The following TVP23C variants were observed in gnomAD, a reference collection of about 807,000 sequenced individuals.
TVP23C encodes trans-golgi network vesicle protein 23 homolog C.
Under a neutral mutation model 28.7 loss-of-function variants are expected in TVP23C, and 19 were observed. The observed-to-expected ratio is 0.66, with a 90% CI of 0.46 to 0.97. The LOEUF (loss-of-function observed/expected upper bound fraction) is 0.97. TVP23C is among the 50% of genes least tolerant of loss of function. The pLI, the probability that TVP23C is intolerant of heterozygous loss-of-function variation, is 0.00. For missense variants in TVP23C, 186 were observed against 241.3 expected (o/e 0.77, Z 1.52); for synonymous variants, 68 against 81.7 (o/e 0.83, Z 0.90).
intron 5 of TVP23C, among the ~76,000 whole-genome samples, chr17:15,528,613 TTTTG>T (rs891047133): frequency 3.8e-4 from 58 of 151,734 alleles, no homozygotes; most frequent in African/African-American, 1.3e-3. Flanking sequence ...TGTTGGGTTT[TTTTG>T]TTTGTTTGAG....
intron 5 of TVP23C, among the ~76,000 whole-genome samples, chr17:15,522,297 C>T (rs8074456): frequency 0.26 from 39,510 of 152,012 alleles, 5,862 homozygotes; most frequent in African/African-American, 0.41. Context: ...CTATAAAAGA[C>T]TGATAATTTT....
chr17:15,515,105 C>G (rs1982167816), intron 5 of TVP23C, among the ~76,000 whole-genome samples: 1 of 152,020 alleles, frequency 6.6e-6, no homozygotes, highest in Admixed American at 6.6e-5. Flanking sequence ...GTGCCCATAC[C>G]CACAGTGGGC....
intron 5 of TVP23C, among the ~76,000 whole-genome samples, chr17:15,525,207 GTTTA>G: frequency 6.6e-6 from 1 of 152,350 alleles, no homozygotes; most frequent in African/African-American, 2.4e-5. Flanking sequence ...CCCAATAAAT[GTTTA>G]TTGAGTGCCA....
At chr17:15,521,347 C>CA (rs1046255454) in intron 5 of TVP23C, among the ~76,000 whole-genome samples, 1 of 151,856 alleles carries the variant, frequency 6.6e-6, no homozygotes, top group Non-Finnish European at 1.5e-5. Context: ...ACTAAATATA[C>CA]AAAAAAATTG....
chr17:15,535,756 G>A (rs556673647), downstream of TVP23C, among the ~76,000 whole-genome samples: 1 of 152,274 alleles, frequency 6.6e-6, no homozygotes, highest in African/African-American at 2.4e-5. Flanking sequence ...GTACAATATG[G>A]AAAGTTAGTT....
intron 5 of TVP23C, among the ~76,000 whole-genome samples, chr17:15,511,820 T>C (rs527497736): frequency 2.0e-5 from 3 of 152,360 alleles, no homozygotes; most frequent in Middle Eastern, 3.4e-3. Context: ...TATGATCTCA[T>C]GATAGTTTCA....
chr17:15,559,804 G>A (rs553330746), intron 1 of TVP23C, among the ~76,000 whole-genome samples: 2 of 148,588 alleles, frequency 1.3e-5, no homozygotes, highest in Non-Finnish European at 3.0e-5. Flanking sequence ...AATCAAGGAA[G>A]ATTCCAAAGT....
At chr17:15,554,921 G>C (rs1984062623) in intron 2 of TVP23C, among the ~76,000 whole-genome samples, 1 of 152,226 alleles carries the variant, frequency 6.6e-6, no homozygotes, top group Non-Finnish European at 1.5e-5. Context: ...TTTATTTAGA[G>C]AGAATTAAAT....
chr17:15,543,697 A>T (rs2907505), intron 5 of TVP23C, among the ~76,000 whole-genome samples: 2 of 146,364 alleles, frequency 1.4e-5, no homozygotes, highest in Non-Finnish European at 3.1e-5. Context: ...TTTACTGTTT[A>T]TCTACCTTCC....
intron 3 of TVP23C, among the ~76,000 whole-genome samples, chr17:15,548,050 A>G (rs918600250): frequency 1.2e-4 from 19 of 152,238 alleles, no homozygotes; most frequent in Middle Eastern, 3.4e-3. Context: ...ACAACAAACT[A>G]TGAATGTAGG....
At chr17:15,521,622 G>C (rs1272482748) in intron 5 of TVP23C, among the ~76,000 whole-genome samples, 2 of 152,236 alleles carry the variant, frequency 1.3e-5, no homozygotes, top group Non-Finnish European at 1.5e-5. Context: ...CACGTATATA[G>C]AGAAACTTAG....
chr17:15,536,536 C>T (rs1289087587), downstream of TVP23C, among the ~76,000 whole-genome samples: 1 of 152,134 alleles, frequency 6.6e-6, no homozygotes, highest in African/African-American at 2.4e-5. Flanking sequence ...AGGAGAAAAA[C>T]GAATATTAGG....
In TVP23C at chr17:15,538,141, C is replaced by T. The variant is rs1322507040; in HGVS notation, c.*2271G>A. On this transcript the variant is annotated 3_prime_UTR_variant, in exon 6 of 6. Coordinates refer to ENST00000518321, the MANE Select transcript of TVP23C (RefSeq NM_001135036.2). ...GCTTTCTCTATTCAGGAAGTCTGAT[C>T]ATCTCCAGTGTTCCGCAAAAGACAA... is the stretch of plus-strand genomic sequence containing the variant. The T allele has an allele frequency of 1.9e-6, 3 of 1,613,872 alleles. No homozygotes were observed. The highest frequency in any genetic ancestry group is 2.2e-5 in the South Asian group (2 of 91,054).
chr17:15,552,850 AT>A (rs1254907888), intron 3 of TVP23C, among the ~76,000 whole-genome samples: 1 of 151,022 alleles, frequency 6.6e-6, no homozygotes, highest in Non-Finnish European at 1.5e-5. Context: ...ACACAGTTAA[AT>A]TTTACAGTGA....
intron 1 of TVP23C, among the ~76,000 whole-genome samples, chr17:15,561,171 A>G (rs895555641): frequency 2.0e-5 from 3 of 151,534 alleles, no homozygotes; most frequent in Non-Finnish European, 2.9e-5. Flanking sequence ...CTGAGAGAGG[A>G]TAAGAGAAGA....
chr17:15,546,332 G>C (rs1983646282), intron 4 of TVP23C, among the ~76,000 whole-genome samples: 1 of 152,110 alleles, frequency 6.6e-6, no homozygotes, highest in Admixed American at 6.5e-5. Context: ...ACGGAATCAA[G>C]GGATTCTGGA....
At chr17:15,502,809 C>CCTCTCTCTCCT (rs1555543015) in exon 6 of TVP23C, 79 of 1,415,594 alleles carry the variant, frequency 5.6e-5, no homozygotes, top group Non-Finnish European at 6.0e-5. Context: ...TCCTCTCTCT[C>CCTCTCTCTCCT]CTCTCTCTCT....
chr17:15,528,453 C>A (rs1458574722), intron 5 of TVP23C, among the ~76,000 whole-genome samples: 4 of 152,014 alleles, frequency 2.6e-5, no homozygotes, highest in Admixed American at 1.3e-4. Flanking sequence ...CCATTTTGAC[C>A]AAAGATTATA....
rs1983294518 is a variant in TVP23C, at chr17:15,539,198, AAT to A, written c.*1212_*1213del. 1 of 967,432 alleles carries A rather than the reference AAT, an allele frequency of 1.0e-6. No homozygotes were observed. The highest frequency in any genetic ancestry group is 1.2e-6 in the Non-Finnish European group (1 of 813,622). The allele number at this position is 967,432 out of a possible 1,614,324, so 59.9% of individuals were successfully genotyped here. On this transcript the variant is annotated 3_prime_UTR_variant, in exon 6 of 6. Transcript: ENST00000518321. ...AAGGAGTCTGGAGGTGGAACCCAGC[AAT>A]CTTGTGCCCTCTAGGTGATTCTCAT...
Sources: gnomAD v4.1 joint callset for allele counts (sites outside exome capture counted in the v4.1 genomes callset) on GRCh38, gnomAD v4.1.1 for gene constraint, MANE v1.5 for transcripts, NCBI Gene and HGNC (gene_info 2026-07-23, HGNC 2026-07-21) for gene names.